The following CADPS2 variants were observed in gnomAD, a reference collection of about 807,000 sequenced individuals.
CADPS2 encodes calcium dependent secretion activator 2.
A neutral mutation model predicts 172.5 loss-of-function variants in CADPS2; 93 were observed. The ratio of observed to expected loss-of-function variants is 0.54; its 90% CI spans 0.46 to 0.64. CADPS2 has a LOEUF of 0.64. CADPS2 is among the 30% of genes least tolerant of loss of function. The probability of loss-of-function intolerance (pLI) is 0.00; values close to 1 mark genes in which losing one functional copy is unlikely to be tolerated. For missense variants in CADPS2, 1,420 were observed against 1,565.9 expected, an observed-to-expected ratio of 0.91 and a Z score of 1.57; for synonymous variants, 546 against 555.2, an observed-to-expected ratio of 0.98 and a Z score of 0.23.
intron 1 of CADPS2, among the ~76,000 whole-genome samples, chr7:122,792,928 T>C (rs1340235865): frequency 6.6e-6 from 1 of 152,196 alleles, no homozygotes; most frequent in Non-Finnish European, 1.5e-5. Flanking sequence ...CACCACCAAC[T>C]ACATATTTGT....
At chr7:122,557,236 C>A (rs1292228609) in intron 7 of CADPS2, among the ~76,000 whole-genome samples, 1 of 152,164 alleles carries the variant, frequency 6.6e-6, no homozygotes, top group African/African-American at 2.4e-5. Context: ...ACTCCTTTAT[C>A]CAATTTCGCC....
chr7:122,553,565 T>A (rs1178025546), intron 8 of CADPS2, among the ~76,000 whole-genome samples: 2 of 152,128 alleles, frequency 1.3e-5, no homozygotes, highest in Non-Finnish European at 2.9e-5. Context: ...CTTAGCACCA[T>A]CCCAACTGTA....
chr7:122,749,408 C>T (rs938353232), intron 1 of CADPS2, among the ~76,000 whole-genome samples: 2 of 152,102 alleles, frequency 1.3e-5, no homozygotes, highest in South Asian at 4.1e-4. Flanking sequence ...CTGCTCTGTC[C>T]TGGCCTATCC....
At chr7:122,499,858 ATCT>A (rs1261767998) in intron 9 of CADPS2, among the ~76,000 whole-genome samples, 2 of 152,028 alleles carry the variant, frequency 1.3e-5, no homozygotes, top group Admixed American at 6.6e-5. Context: ...TAAGTTTCTC[ATCT>A]TCTTCTCTTA....
chr7:122,446,241 T>C (rs1462930774), intron 15 of CADPS2, among the ~76,000 whole-genome samples: 1 of 152,228 alleles, frequency 6.6e-6, no homozygotes, highest in East Asian at 1.9e-4. Context: ...TCATTGATCA[T>C]ATTTTACTAT....
At chr7:122,486,261 G>A (rs2057803444) in intron 11 of CADPS2, among the ~76,000 whole-genome samples, 1 of 152,100 alleles carries the variant, frequency 6.6e-6, no homozygotes, top group Non-Finnish European at 1.5e-5. Context: ...TCTGGGAAAA[G>A]TAAATTGAAA....
chr7:122,698,754 C>G, intron 2 of CADPS2: 9 of 1,613,926 alleles, frequency 5.6e-6, no homozygotes, highest in Non-Finnish European at 7.6e-6. Context: ...TCTCTCCCAA[C>G]TCTGACAACA....
At chr7:122,637,666 G>T (rs965193737) in intron 3 of CADPS2, among the ~76,000 whole-genome samples, 4 of 152,168 alleles carry the variant, frequency 2.6e-5, no homozygotes, top group African/African-American at 9.7e-5. Context: ...CTGTCCAGTA[G>T]TCATTACAAT....
chr7:122,439,248 T>C (rs1313945669), intron 16 of CADPS2: 1 of 152,178 alleles, frequency 6.6e-6, no homozygotes, highest in Non-Finnish European at 1.5e-5. Context: ...CATTGACTCA[T>C]AATTTTCTTT....
At chr7:122,860,946 T>A (rs1007208198) in intron 1 of CADPS2, among the ~76,000 whole-genome samples, 1 of 152,220 alleles carries the variant, frequency 6.6e-6, no homozygotes, top group Non-Finnish European at 1.5e-5. Context: ...AATCTTTTTA[T>A]AGTTAAATAG....
chr7:122,609,219 T>A (rs921335381), intron 6 of CADPS2, among the ~76,000 whole-genome samples: 2 of 152,114 alleles, frequency 1.3e-5, no homozygotes, highest in African/African-American at 4.8e-5. Flanking sequence ...GACTAGTACA[T>A]ATAAGGAAAT....
intron 2 of CADPS2, among the ~76,000 whole-genome samples, chr7:122,664,276 T>TG (rs978287885): frequency 3.3e-5 from 5 of 152,070 alleles, no homozygotes; most frequent in African/African-American, 9.7e-5. Context: ...GCCCAACAGC[T>TG]GGGGGGCTAG....
intron 7 of CADPS2, among the ~76,000 whole-genome samples, chr7:122,571,351 G>A (rs1287179686): frequency 6.6e-6 from 1 of 152,038 alleles, no homozygotes; most frequent in Non-Finnish European, 1.5e-5. Flanking sequence ...TGTTCTACCC[G>A]AGACAGAGGA....
Position 122,834,753 on chromosome 7 carries a change from C to T in CADPS2, c.339+51246G>A, listed in dbSNP as rs1004429636. ...AGGCTGGGGGAGGGGCACCTGCCAT[C>T]GCTGAGGCTCGAGTAGGTAAACAAA... On this transcript the variant is annotated intron_variant, in intron 1 of 29. Coordinates refer to ENST00000449022, the MANE Select transcript of CADPS2 (RefSeq NM_017954.11). Among the ~76,000 whole-genome samples, 7 of 152,134 alleles carry T rather than the reference C, an allele frequency of 4.6e-5. No homozygotes were observed. In the East Asian group the frequency reaches 1.2e-3, roughly 25 times the overall value.
In CADPS2 at chr7:122,514,540, C is replaced by T. The variant is rs562283225; in HGVS notation, c.1476-1225G>A. Among the ~76,000 whole-genome samples, 206 of 152,050 alleles carry T rather than the reference C, an allele frequency of 1.4e-3. 3 individuals are homozygous for T. In the South Asian group the frequency reaches 0.039, roughly 29 times the overall value. On this transcript the variant is annotated intron_variant, in intron 8 of 29. Coordinates refer to ENST00000449022, the MANE Select transcript of CADPS2 (RefSeq NM_017954.11). ...TTGGCTAAGGTGTGGGGAATTAATG[C>T]GCACTCATTCACTACTAGTGGGAGT...
chr7:122,630,567 G>C (rs1306233748), intron 3 of CADPS2, among the ~76,000 whole-genome samples: 1 of 152,084 alleles, frequency 6.6e-6, no homozygotes, highest in East Asian at 1.9e-4. Context: ...TAGGGAATTT[G>C]GAGTTAGTTC....
At chr7:122,835,895 C>T (rs1366124568) in intron 1 of CADPS2, among the ~76,000 whole-genome samples, 1 of 152,132 alleles carries the variant, frequency 6.6e-6, no homozygotes, top group Non-Finnish European at 1.5e-5. Flanking sequence ...TCTAGCAAGG[C>T]AGGCCAACAT....
At chr7:122,839,649 C>T (rs1342041830) in intron 1 of CADPS2, among the ~76,000 whole-genome samples, 1 of 152,212 alleles carries the variant, frequency 6.6e-6, no homozygotes, top group Non-Finnish European at 1.5e-5. Flanking sequence ...CAAAAGAAGA[C>T]ATTTATGCAG....
At chr7:122,754,365 A>C (rs2093071365) in intron 1 of CADPS2, among the ~76,000 whole-genome samples, 1 of 152,218 alleles carries the variant, frequency 6.6e-6, no homozygotes, top group African/African-American at 2.4e-5. Context: ...AGTTAGAAAA[A>C]TGTTTGCTTC....
Sources: gnomAD v4.1 joint callset for allele counts (sites outside exome capture counted in the v4.1 genomes callset) on GRCh38, gnomAD v4.1.1 for gene constraint, MANE v1.5 for transcripts, NCBI Gene and HGNC (gene_info 2026-07-23, HGNC 2026-07-21) for gene names.